PHF24: variants seen among roughly 807,000 people sequenced by gnomAD.
PHF24 encodes the protein Galpha inhibitory interacting protein.
In PHF24, 25 loss-of-function variants were observed where a neutral mutation model predicts 42.6. The ratio of observed to expected loss-of-function variants is 0.59; its 90% CI spans 0.43 to 0.82. PHF24 has a LOEUF of 0.82. Among genes scored for constraint, PHF24 ranks in the 40% least tolerant of loss-of-function variants. The pLI, the probability that PHF24 is intolerant of heterozygous loss-of-function variation, is 0.00. For synonymous variants in PHF24, 185 were observed against 204.8 expected, an observed-to-expected ratio of 0.90 and a Z score of 0.83; for missense variants, 470 against 538.1, an observed-to-expected ratio of 0.87 and a Z score of 1.25.
chr9:34,881,215 T>C, the PHF24 span, among the ~76,000 whole-genome samples: 2 of 152,170 alleles, frequency 1.3e-5, no homozygotes, highest in Admixed American at 6.5e-5. Context: ...AAGCAATGTT[T>C]AGAAGGAAAT....
chr9:34,818,733 G>A, the PHF24 span, among the ~76,000 whole-genome samples: 2 of 152,104 alleles, frequency 1.3e-5, no homozygotes, highest in Admixed American at 6.5e-5. Context: ...GCTGAGGCAG[G>A]AGGATCACTT....
the PHF24 span, among the ~76,000 whole-genome samples, chr9:34,767,029 C>T: frequency 1.3e-5 from 2 of 152,146 alleles, no homozygotes; most frequent in African/African-American, 2.4e-5. Flanking sequence ...TTTCGTGAAC[C>T]GCGAATGCTG....
At chr9:34,730,844 TG>T in the PHF24 span, among the ~76,000 whole-genome samples, 1 of 152,208 alleles carries the variant, frequency 6.6e-6, no homozygotes, top group Non-Finnish European at 1.5e-5. Context: ...ATCTAGGGAA[TG>T]GGCCATGGAG....
chr9:34,799,287 T>G, the PHF24 span, among the ~76,000 whole-genome samples: 1 of 152,198 alleles, frequency 6.6e-6, no homozygotes, highest in East Asian at 1.9e-4. Context: ...AGCGCTGCCA[T>G]TAAACCATAT....
chr9:34,672,628 T>C, the PHF24 span, among the ~76,000 whole-genome samples: 7 of 151,962 alleles, frequency 4.6e-5, no homozygotes, highest in African/African-American at 1.7e-4. Flanking sequence ...GGGGGCTGAG[T>C]GTCCTAGCCC....
At chr9:34,836,300 TG>T in the PHF24 span, among the ~76,000 whole-genome samples, 283 of 152,274 alleles carry the variant, frequency 1.9e-3, no homozygotes, top group African/African-American at 6.3e-3. Flanking sequence ...CAGAGAAGAC[TG>T]GGAGCTGAGT....
the PHF24 span, among the ~76,000 whole-genome samples, chr9:34,741,757 A>G: frequency 6.6e-6 from 1 of 152,162 alleles, no homozygotes; most frequent in African/African-American, 2.4e-5. Flanking sequence ...TTTGCTTTTC[A>G]TCCTTTCCTG....
the PHF24 span, among the ~76,000 whole-genome samples, chr9:34,868,243 G>T: frequency 6.6e-6 from 1 of 152,042 alleles, no homozygotes; most frequent in Admixed American, 6.6e-5. Context: ...AGTCTTTCTG[G>T]CCCAATTTGA....
chr9:34,816,529 C>T, the PHF24 span, among the ~76,000 whole-genome samples: 1 of 152,036 alleles, frequency 6.6e-6, no homozygotes, highest in Non-Finnish European at 1.5e-5. Flanking sequence ...AAGATGCTGG[C>T]AGATTTGGTA....
chr9:34,880,397 A>C, the PHF24 span, among the ~76,000 whole-genome samples: 2 of 152,204 alleles, frequency 1.3e-5, no homozygotes, highest in Non-Finnish European at 2.9e-5. Context: ...CTCCAATTAA[A>C]AGACACAGAC....
At chr9:34,807,312 C>T in the PHF24 span, among the ~76,000 whole-genome samples, 1 of 152,132 alleles carries the variant, frequency 6.6e-6, no homozygotes, top group Non-Finnish European at 1.5e-5. Context: ...CCTCTGCCAA[C>T]GGGATTGCTC....
At chr9:34,969,840 G>A (rs980386348) in intron 1 of PHF24, among the ~76,000 whole-genome samples, 8 of 151,846 alleles carry the variant, frequency 5.3e-5, no homozygotes, top group Non-Finnish European at 1.0e-4. Flanking sequence ...AGTAACCTTC[G>A]AACTGGCCTT....
chr9:34,786,092 G>T, the PHF24 span, among the ~76,000 whole-genome samples: 1 of 152,112 alleles, frequency 6.6e-6, no homozygotes, highest in Non-Finnish European at 1.5e-5. Flanking sequence ...ATACATAATT[G>T]CTAGAAAGTC....
intron 1 of PHF24, among the ~76,000 whole-genome samples, chr9:34,967,298 A>G (rs1826811179): frequency 6.6e-6 from 1 of 152,212 alleles, no homozygotes; most frequent in Non-Finnish European, 1.5e-5. Flanking sequence ...AGGTCATGAA[A>G]TCATTTCAGA....
At chr9:34,836,893 C>T in the PHF24 span, among the ~76,000 whole-genome samples, 5 of 152,198 alleles carry the variant, frequency 3.3e-5, no homozygotes, top group Admixed American at 1.3e-4. Flanking sequence ...TTGGGTGACT[C>T]TTTCCTCCTG....
chr9:34,966,242 G>A (rs1436622949), intron 1 of PHF24, among the ~76,000 whole-genome samples: 1 of 152,090 alleles, frequency 6.6e-6, no homozygotes, highest in African/African-American at 2.4e-5. Flanking sequence ...CCTGCCACAG[G>A]ATCCAGCCAA....
the PHF24 span, among the ~76,000 whole-genome samples, chr9:34,759,773 C>T: frequency 1.3e-5 from 2 of 152,180 alleles, no homozygotes; most frequent in Admixed American, 1.3e-4. Context: ...CACTGCCCTC[C>T]CACCAAATCA....
chr9:34,829,950 T>C, the PHF24 span, among the ~76,000 whole-genome samples: 2 of 152,226 alleles, frequency 1.3e-5, no homozygotes, highest in East Asian at 1.9e-4. Context: ...TGTAACAAGA[T>C]AGAGTTTTGT....
At chr9:34,826,540 G>T in the PHF24 span, among the ~76,000 whole-genome samples, 2 of 152,214 alleles carry the variant, frequency 1.3e-5, no homozygotes, top group African/African-American at 4.8e-5. Flanking sequence ...CTCCCTGCCT[G>T]GGCTGCAGTG....
Sources: gnomAD v4.1 joint callset for allele counts (sites outside exome capture counted in the v4.1 genomes callset) on GRCh38, gnomAD v4.1.1 for gene constraint, MANE v1.5 for transcripts, NCBI Gene and HGNC (gene_info 2026-07-23, HGNC 2026-07-21) for gene names.